Variants in SKAP1 observed in about 807,000 individuals in gnomAD.
SKAP1 encodes src kinase associated phosphoprotein 1.
Under a neutral mutation model 58.5 loss-of-function variants are expected in SKAP1, and 44 were observed. The ratio of observed to expected loss-of-function variants is 0.75; its 90% confidence interval spans 0.59 to 0.97. The LOEUF (loss-of-function observed/expected upper bound fraction) is 0.97, where lower values mean the gene tolerates loss of function less well. SKAP1 is among the 50% of genes least tolerant of loss of function. The probability of loss-of-function intolerance (pLI) is 0.00; values close to 1 mark genes in which losing one functional copy is unlikely to be tolerated. For missense variants in SKAP1, 390 were observed against 435.2 expected, an observed-to-expected ratio of 0.90 and a Z score of 0.92; for synonymous variants, 127 against 149.7, an observed-to-expected ratio of 0.85 and a Z score of 1.11.
chr17:48,152,684 C>A (rs1007514776), intron 11 of SKAP1, among the ~76,000 whole-genome samples: 3 of 152,078 alleles, frequency 2.0e-5, no homozygotes, highest in African/African-American at 7.3e-5. Context: ...CAGCCTTCAC[C>A]GGTTAGTTTT....
At chr17:48,157,489 C>G (rs1368322464) in intron 11 of SKAP1, among the ~76,000 whole-genome samples, 3 of 150,920 alleles carry the variant, frequency 2.0e-5, no homozygotes, top group African/African-American at 7.3e-5. Context: ...CCCGCCTCGG[C>G]CTCCCAAAGT....
At chr17:48,145,678 A>G (rs993350900) in intron 11 of SKAP1, among the ~76,000 whole-genome samples, 1 of 152,148 alleles carries the variant, frequency 6.6e-6, no homozygotes, top group Non-Finnish European at 1.5e-5. Flanking sequence ...GCAGGCGCCT[A>G]TCATAAGGCT....
intron 1 of SKAP1, among the ~76,000 whole-genome samples, chr17:48,400,250 C>A (rs1407074451): frequency 6.6e-6 from 1 of 151,782 alleles, no homozygotes; most frequent in Admixed American, 6.6e-5. Flanking sequence ...AGGCACGCAC[C>A]ACCACACCTG....
intron 4 of SKAP1, among the ~76,000 whole-genome samples, chr17:48,253,825 T>C (rs2065394270): frequency 1.3e-5 from 2 of 151,944 alleles, no homozygotes; most frequent in South Asian, 4.2e-4. Flanking sequence ...AGCAAACCCC[T>C]CATCAGAAGG....
intron 4 of SKAP1, among the ~76,000 whole-genome samples, chr17:48,202,734 A>G (rs2064744844): frequency 6.6e-6 from 1 of 152,172 alleles, no homozygotes; most frequent in South Asian, 2.1e-4. Context: ...CTCAATATCT[A>G]TTTGCACAGC....
intron 1 of SKAP1, among the ~76,000 whole-genome samples, chr17:48,424,648 G>A (rs1202696038): frequency 6.6e-6 from 1 of 151,098 alleles, no homozygotes; most frequent in Non-Finnish European, 1.5e-5. Flanking sequence ...AAAACCCTCA[G>A]GAAAGGCCAG....
chr17:48,282,297 T>C (rs1439595504), intron 4 of SKAP1, among the ~76,000 whole-genome samples: 1 of 152,214 alleles, frequency 6.6e-6, no homozygotes, highest in African/African-American at 2.4e-5. Context: ...GTTTCCTCTA[T>C]TTTCCTCCAT....
At chr17:48,401,921 C>A (rs773158627) in intron 1 of SKAP1, among the ~76,000 whole-genome samples, 11 of 152,090 alleles carry the variant, frequency 7.2e-5, no homozygotes, top group Non-Finnish European at 1.6e-4. Context: ...TCTTATATTT[C>A]AGTAATAATA....
intron 9 of SKAP1, among the ~76,000 whole-genome samples, chr17:48,172,346 A>G (rs1389319187): frequency 2.6e-5 from 4 of 152,198 alleles, no homozygotes; most frequent in Non-Finnish European, 5.9e-5. Context: ...TTATACGGTC[A>G]AAGTCATAAC....
intron 9 of SKAP1, 113 bp downstream of exon 9, chr17:48,179,941 A>G (rs2064345369): frequency 5.2e-6 from 5 of 965,100 alleles, no homozygotes; most frequent in Admixed American, 2.4e-5. Flanking sequence ...TATCTCCTTC[A>G]GAGGATGAGG....
At chr17:48,224,425 CAG>C (rs1294293695) in intron 4 of SKAP1, among the ~76,000 whole-genome samples, 10 of 152,106 alleles carry the variant, frequency 6.6e-5, no homozygotes, top group African/African-American at 2.4e-4. Flanking sequence ...CTCAGCTATG[CAG>C]AGTTATTGAA....
intron 4 of SKAP1, among the ~76,000 whole-genome samples, chr17:48,217,180 T>C (rs1180507975): frequency 1.3e-5 from 2 of 152,180 alleles, no homozygotes; most frequent in Non-Finnish European, 2.9e-5. Context: ...TCTGTCCAAA[T>C]CATTTTCAGG....
intron 4 of SKAP1, among the ~76,000 whole-genome samples, chr17:48,329,989 T>A (rs1213259829): frequency 1.3e-5 from 2 of 152,234 alleles, no homozygotes; most frequent in Non-Finnish European, 2.9e-5. Context: ...TCAATAAATT[T>A]ATTATAGAAA....
chr17:48,284,451 A>G (rs2144047051), intron 4 of SKAP1, among the ~76,000 whole-genome samples: 1 of 152,284 alleles, frequency 6.6e-6, no homozygotes, highest in East Asian at 1.9e-4. Flanking sequence ...TCAGAGGCAC[A>G]TGGGCCTATG....
chr17:48,195,745 T>C (rs1022901066), intron 4 of SKAP1, among the ~76,000 whole-genome samples: 2 of 152,142 alleles, frequency 1.3e-5, no homozygotes, highest in African/African-American at 4.8e-5. Context: ...AATGACACAT[T>C]TGTAGTTAGC....
At chr17:48,171,257 G>A (rs1017913490) in intron 9 of SKAP1, among the ~76,000 whole-genome samples, 1 of 151,526 alleles carries the variant, frequency 6.6e-6, no homozygotes, top group Non-Finnish European at 1.5e-5. Context: ...CAGGCTCACA[G>A]CACCATGCCC....
chr17:48,396,324 A>G (rs12449653), intron 2 of SKAP1, among the ~76,000 whole-genome samples: 50,755 of 152,092 alleles, frequency 0.33, 9,166 homozygotes, highest in African/African-American at 0.47. Flanking sequence ...CATAATGAAC[A>G]TTATCTCATA....
intron 3 of SKAP1, among the ~76,000 whole-genome samples, chr17:48,355,310 C>G (rs777408753): frequency 1.1e-4 from 17 of 152,180 alleles, no homozygotes; most frequent in Non-Finnish European, 1.5e-4. Flanking sequence ...CAGGGTCTCA[C>G]TCAGTCACCC....
chr17:48,199,927 T>C (rs992332127), intron 4 of SKAP1, among the ~76,000 whole-genome samples: 1 of 152,106 alleles, frequency 6.6e-6, no homozygotes, highest in Non-Finnish European at 1.5e-5. Flanking sequence ...TTGGTGCATA[T>C]AGCCGTGCAC....
Sources: allele counts gnomAD v4.1 joint callset (sites outside exome capture counted in the v4.1 genomes callset), GRCh38; gene constraint gnomAD v4.1.1; transcripts MANE v1.5; gene names NCBI Gene and HGNC (gene_info 2026-07-23, HGNC 2026-07-21).